Variants in TAF1 observed in about 807,000 individuals in gnomAD.
TAF1 encodes transcription initiation factor TFIID subunit 1.
In TAF1, 2 loss-of-function variants were observed where a neutral mutation model predicts 138.5. The ratio of observed to expected loss-of-function variants is 0.01; its 90% CI spans 0.01 to 0.05. The LOEUF (loss-of-function observed/expected upper bound fraction) is 0.05. Ranked by LOEUF, TAF1 falls within the 10% of genes least tolerant of loss-of-function variation. TAF1 has a pLI of 1.00. For synonymous variants in TAF1, 437 were observed against 503.2 expected, an observed-to-expected ratio of 0.87 and a Z score of 1.76; for missense variants, 709 against 1,478.0, an observed-to-expected ratio of 0.48 and a Z score of 8.53.
chrX:71,475,584 C>CA (rs78014278), intron 13 of TAF1, among the ~76,000 whole-genome samples: 1,407 of 41,238 alleles, frequency 0.034, 15 homozygotes, highest in Middle Eastern at 0.059. Context: ...GACTCCGTTT[C>CA]AAAAAAAAAA....
Position 71,387,433 on chromosome X carries a change from C to T in TAF1, c.2399C>T (p.Ala800Val). 1 of 1,211,643 alleles carries T rather than the reference C, an allele frequency of 8.3e-7. No individual in the cohort carries two copies. The change falls in exon 15 of 38, where the codon GCC (alanine) becomes GTC (valine). Residue 800 changes from alanine (A) to valine (V), a missense_variant. By Grantham distance (64) the Ala-to-Val change is moderately conservative. This residue lies in a region of TAF1 where 201 missense variants were observed against 421.3 expected (regional missense o/e 0.48). Coordinates refer to ENST00000423759, the MANE Select transcript of TAF1 (RefSeq NM_004606.5). Reference protein sequence around the residue: ...FEVPGPNSKRANTHIRDFLQV... With the variant: ...FEVPGPNSKRVNTHIRDFLQV... ...GTTCCTGGGCCTAACTCCAAAAGGG[C>T]CAATACGCATATTCGAGACTTTCTA...
chrX:71,422,307 G>C (rs2148599805), intron 29 of TAF1, among the ~76,000 whole-genome samples: 1 of 107,886 alleles, frequency 9.3e-6, no homozygotes, highest in Non-Finnish European at 1.9e-5. Context: ...CATCCTTTTT[G>C]ACCCTTTTAC....
At chrX:71,510,051 A>G (rs2039703798) in intron 13 of TAF1, among the ~76,000 whole-genome samples, 1 of 110,996 alleles carries the variant, frequency 9.0e-6, no homozygotes, top group Non-Finnish European at 1.9e-5. Flanking sequence ...AGTCTCAGCT[A>G]CTCAGGAGGC....
Position 71,387,292 on chromosome X carries a change from T to C in TAF1, c.2258T>C (p.Ile753Thr). ...GAGAACAACCTTTTTCGTGCTCCAA[T>C]TTATCTTCATAAGATGCCAGAAACT... is the stretch of plus-strand genomic sequence containing the variant. The part of the protein sequence containing the change: ...AFENNLFRAP[I>T]YLHKMPETDF... The change falls in exon 15 of 38, where the codon ATT becomes ACT. Residue 753 changes from isoleucine (I) to threonine (T), a missense_variant. Physicochemically the swap from Ile to Thr is moderately conservative, Grantham distance 89. Coordinates refer to ENST00000423759, the MANE Select transcript of TAF1 (RefSeq NM_004606.5). 1 of 1,212,070 alleles carries C rather than the reference T, an allele frequency of 8.3e-7. No homozygotes were observed. Among genetic ancestry groups the C allele is most frequent in the Non-Finnish European group, 1.1e-6 (1 of 895,600 alleles).
intron 13 of TAF1, among the ~76,000 whole-genome samples, chrX:71,506,527 A>G (rs1366044659): frequency 9.3e-6 from 1 of 107,527 alleles, no homozygotes; most frequent in Non-Finnish European, 1.9e-5. Flanking sequence ...TACTATAAAT[A>G]TATATTTTTT....
At chrX:71,494,718 C>T (rs971107514) in intron 13 of TAF1, among the ~76,000 whole-genome samples, 3 of 112,046 alleles carry the variant, frequency 2.7e-5, no homozygotes. Context: ...AGAATGAAGC[C>T]GCGGACTTTC....
intron 2 of TAF1, 88 bp from the exon 3 acceptor site, chrX:71,367,966 C>T: frequency 2.0e-6 from 2 of 1,003,663 alleles, no homozygotes; most frequent in Non-Finnish European, 1.4e-6. Context: ...CCACCGCATC[C>T]AGCCTGTACA....
intron 13 of TAF1, among the ~76,000 whole-genome samples, chrX:71,485,593 T>C (rs1393317383): frequency 8.9e-6 from 1 of 112,410 alleles, no homozygotes; most frequent in Non-Finnish European, 1.9e-5. Context: ...ATTTTTCTCA[T>C]GACTAGTGAT....
intron 35 of TAF1, chrX:71,459,269 A>G (rs760592214): frequency 3.3e-5 from 38 of 1,135,719 alleles, no homozygotes; most frequent in Non-Finnish European, 4.5e-5. Flanking sequence ...TGCTTATAGA[A>G]AGCTTATGGT....
At chrX:71,409,254 T>G (rs1356678526) in intron 28 of TAF1, among the ~76,000 whole-genome samples, 1 of 109,061 alleles carries the variant, frequency 9.2e-6, no homozygotes, top group African/African-American at 3.3e-5. Flanking sequence ...GCCTCCTGAG[T>G]AGCTGGGACT....
intron 32 of TAF1, among the ~76,000 whole-genome samples, chrX:71,441,228 A>G (rs745825589): frequency 9.2e-6 from 1 of 108,437 alleles, no homozygotes; most frequent in Non-Finnish European, 1.9e-5. Flanking sequence ...TCTTTGGCCC[A>G]GTTTTTTTTT....
intron 34 of TAF1, among the ~76,000 whole-genome samples, chrX:71,457,677 A>G (rs1397700139): frequency 8.9e-6 from 1 of 112,138 alleles, no homozygotes; most frequent in Non-Finnish European, 1.9e-5. Flanking sequence ...AGTTGAGTTA[A>G]TCAAGGCTTA....
At chrX:71,414,793 C>A in intron 28 of TAF1, among the ~76,000 whole-genome samples, 1 of 45,535 alleles carries the variant, frequency 2.2e-5, no homozygotes, top group East Asian at 8.8e-4. Context: ...CGGAGGCGGG[C>A]AGATCACCTG....
intron 32 of TAF1, among the ~76,000 whole-genome samples, chrX:71,439,743 C>G (rs2037320961): frequency 8.9e-6 from 1 of 111,748 alleles, no homozygotes; most frequent in African/African-American, 3.3e-5. Context: ...CTGTAATTTG[C>G]TCTTTTTTGC....
intron 34 of TAF1, among the ~76,000 whole-genome samples, chrX:71,456,671 T>C (rs1468846880): frequency 7.4e-5 from 4 of 53,910 alleles, no homozygotes; most frequent in Admixed American, 3.0e-4. Flanking sequence ...TTTTTTTTTT[T>C]TTTTTTTTTT....
intron 14 of TAF1, 195 bp from the exon 15 acceptor site, chrX:71,387,066 A>G: frequency 4.5e-6 from 2 of 440,520 alleles, no homozygotes; most frequent in Non-Finnish European, 7.7e-6. Flanking sequence ...TCCCCTACTG[A>G]CTCTGAAAGA....
intron 13 of TAF1, among the ~76,000 whole-genome samples, chrX:71,501,246 G>A (rs926370956): frequency 7.2e-5 from 8 of 110,569 alleles, no homozygotes; most frequent in African/African-American, 2.3e-4. Context: ...GCTTTTGTTA[G>A]GCCTGCTAGT....
chrX:71,449,459 G>GAA (rs2037854213), intron 32 of TAF1, among the ~76,000 whole-genome samples: 1 of 112,599 alleles, frequency 8.9e-6, no homozygotes. Flanking sequence ...GTGTTGCAAA[G>GAA]AAAATGGGTA....
At position 71,381,861 on chromosome X, in the gene TAF1, C is replaced by T. The variant is rs2033910248; in HGVS notation, c.1479C>T (p.Pro493=). ...TCATTTGGGATGCTCAGGCCATGCC[C>T]CGGCTGTTGGAACCTCCTGTTTTGA... The part of the protein sequence containing the change: ...DNIIWDAQAM[P]RLLEPPVLTL... The change falls in exon 9 of 38, where the codon CCC becomes CCT. Residue 493 remains proline (P), a synonymous_variant. Coordinates refer to ENST00000423759, the MANE Select transcript of TAF1 (RefSeq NM_004606.5). 1 of 1,182,223 alleles carries T rather than the reference C, an allele frequency of 8.5e-7. No homozygotes were observed. The highest frequency in any genetic ancestry group is 1.8e-5 in the African/African-American group (1 of 56,064).
Sources: gnomAD v4.1 joint callset for allele counts (sites outside exome capture counted in the v4.1 genomes callset) on GRCh38, gnomAD v4.1.1 for gene constraint, gnomAD v4.1.1 regional missense constraint, MANE v1.5 for transcripts, NCBI Gene and HGNC (gene_info 2026-07-23, HGNC 2026-07-21) for gene names.